The following DEAF1 variants were observed in gnomAD, a reference collection of about 807,000 sequenced individuals.
The protein encoded by DEAF1 is DEAF1 transcription factor.
DEAF1 carries 53 observed loss-of-function variants against 58.9 expected under a neutral mutation model. The ratio of observed to expected loss-of-function variants is 0.90; its 90% CI spans 0.72 to 1.13. The LOEUF is 1.13. DEAF1 is among the 50% of genes most tolerant of loss of function. DEAF1 has a pLI of 0.00. For synonymous variants in DEAF1, 385 were observed against 340.4 expected, an observed-to-expected ratio of 1.13 and a Z score of -1.44; for missense variants, 685 against 791.4, an observed-to-expected ratio of 0.87 and a Z score of 1.61.
At chr11:686,548 C>G (rs903042696) in intron 5 of DEAF1, among the ~76,000 whole-genome samples, 4 of 152,210 alleles carry the variant, frequency 2.6e-5, no homozygotes, top group African/African-American at 9.6e-5. Context: ...ATCTTAACTT[C>G]TACTGTTTTC....
intron 9 of DEAF1, chr11:678,390 G>A (rs1361081311): frequency 5.2e-6 from 2 of 383,718 alleles, no homozygotes; most frequent in Non-Finnish European, 1.0e-5. Context: ...ACCCTCAAGA[G>A]GACAACAGCA....
chr11:700,564 G>A (rs772304317), intron 1 of DEAF1: 126 of 1,409,042 alleles, frequency 8.9e-5, no homozygotes, highest in South Asian at 6.2e-4. Flanking sequence ...TGAGGTGGCT[G>A]CTGCTGCTGT....
At chr11:654,600 A>G (rs773074553) in intron 10 of DEAF1, 3 of 455,166 alleles carry the variant, frequency 6.6e-6, no homozygotes, top group Non-Finnish European at 1.3e-5. Context: ...ATGGGCCGGG[A>G]GCAGCGGCTC....
rs1305740576 is a variant in DEAF1 at position 694,972 on chromosome 11, C to T, written c.76G>A (p.Ala26Thr). 1.7e-6 allele frequency: 2 copies of T among 1,173,434 alleles called. No individual in the cohort carries two copies. Among genetic ancestry groups the T allele is most frequent in the Non-Finnish European group, 2.1e-6 (2 of 951,026 alleles). The allele number at this position is 1,173,434 out of a possible 1,614,324, so 72.7% of individuals were successfully genotyped here. ...AAAVAAAAAV[A>T]AAAAAAAGGE... ...CCTGCCGCGGCCGCGGCCGCCGCCG[C>T]CACAGCGGCCGCGGCCGCCACCGCC... The change falls in exon 1 of 12, where the codon GCG (alanine) becomes ACG (threonine). Residue 26 changes from alanine (A) to threonine (T), a missense_variant. Coordinates refer to ENST00000382409, the MANE Select transcript of DEAF1 (RefSeq NM_021008.4).
chr11:695,586 G>A (rs1861091766), upstream of DEAF1: 2 of 1,240,574 alleles, frequency 1.6e-6, no homozygotes, highest in African/African-American at 3.1e-5. Context: ...GAGCCGAGAC[G>A]AGCCGAATGT....
chr11:656,504 AAGG>A (rs1859061987), intron 10 of DEAF1, among the ~76,000 whole-genome samples: 1 of 152,242 alleles, frequency 6.6e-6, no homozygotes, highest in Admixed American at 6.5e-5. Context: ...AAGCTTCTCG[AAGG>A]AGAACACAGC....
intron 1 of DEAF1, chr11:704,453 A>G (rs1274479580): frequency 7.8e-7 from 1 of 1,289,166 alleles, no homozygotes; most frequent in African/African-American, 1.5e-5. Flanking sequence ...GGCCACGGTG[A>G]GCTGCAGGAC....
chr11:663,186 T>A (rs879600978), intron 10 of DEAF1, among the ~76,000 whole-genome samples: 3 of 152,104 alleles, frequency 2.0e-5, no homozygotes, highest in Admixed American at 2.0e-4. Context: ...GTGGCTTACG[T>A]CTGTAATCCC....
At position 679,734 on chromosome 11, in the gene DEAF1, G is replaced by T; in HGVS notation, c.1080C>A (p.Val360=). Residue 360 remains valine (V), a synonymous_variant, in exon 8 of 12, where the codon GTC becomes GTA. Transcript: ENST00000382409. ...DRASTVEATA[V]ISESPAQGDV... ...CGCCCTGGGCCGGACTCTCTGATAT[G>T]ACAGCAGTGGCCTCTACCGTGGACG... 2 of 1,613,800 alleles carry T rather than the reference G, an allele frequency of 1.2e-6. No individual in the cohort carries two copies. The highest frequency in any genetic ancestry group is 1.7e-6 in the Non-Finnish European group (2 of 1,180,054).
At chr11:656,317 G>A (rs1420846051) in intron 10 of DEAF1, among the ~76,000 whole-genome samples, 1 of 152,086 alleles carries the variant, frequency 6.6e-6, no homozygotes, top group African/African-American at 2.4e-5. Flanking sequence ...CACCATGCCT[G>A]GCTAATTTTT....
In DEAF1 at chr11:679,723, C is replaced by G; in HGVS notation, c.1091G>C (p.Ser364Thr). Reference protein sequence around the residue: ...TVEATAVISESPAQGDVFAGA... With the variant: ...TVEATAVISETPAQGDVFAGA... ...TGCGAAGACGTCGCCCTGGGCCGGA[C>G]TCTCTGATATGACAGCAGTGGCCTC... is the stretch of plus-strand genomic sequence containing the variant. The change falls in exon 8 of 12, where the codon AGT (serine) becomes ACT (threonine). Residue 364 changes from serine (S) to threonine (T), a missense_variant. Around this residue, in one of 3 missense-constraint regions of DEAF1, gnomAD observed 343 missense variants for 379.8 expected, o/e 0.90. Coordinates refer to ENST00000382409, the MANE Select transcript of DEAF1 (RefSeq NM_021008.4). 1 of 1,613,614 alleles carries G rather than the reference C, an allele frequency of 6.2e-7. No homozygotes were observed. The highest frequency in any genetic ancestry group is 1.1e-5 in the South Asian group (1 of 91,090).
At chr11:699,900 C>T, upstream of DEAF1, 2 of 531,566 alleles carry the variant, frequency 3.8e-6, no homozygotes, top group Non-Finnish European at 6.8e-6. Flanking sequence ...GGCTGCAGTG[C>T]ACAGACCGCA....
At chr11:691,187 G>C (rs950963434) in intron 2 of DEAF1, among the ~76,000 whole-genome samples, 1 of 152,242 alleles carries the variant, frequency 6.6e-6, no homozygotes. Context: ...AGGCAGGGCC[G>C]GGCCTCGGGC....
At chr11:697,169 A>C (rs1861231368), upstream of DEAF1, among the ~76,000 whole-genome samples, 1 of 151,530 alleles carries the variant, frequency 6.6e-6, no homozygotes, top group African/African-American at 2.4e-5. Flanking sequence ...CTGGCGGATC[A>C]CTGGAGCCCA....
intron 10 of DEAF1, among the ~76,000 whole-genome samples, chr11:656,579 G>C (rs1220839453): frequency 1.3e-5 from 2 of 152,242 alleles, no homozygotes; most frequent in African/African-American, 4.8e-5. Flanking sequence ...GCAGGACCCT[G>C]GTCCAGCCCC....
At chr11:704,196 C>A in intron 1 of DEAF1, 1 of 1,033,150 alleles carries the variant, frequency 9.7e-7, no homozygotes, top group South Asian at 1.7e-5. Context: ...AGAGCACACC[C>A]CACTTGCCAG....
chr11:686,797 C>T (rs530029134), intron 5 of DEAF1, 61 bp downstream of exon 5: 9 of 1,609,986 alleles, frequency 5.6e-6, no homozygotes, highest in Middle Eastern at 1.7e-4. Flanking sequence ...CTGGCTGGGC[C>T]GCCTCAGAGG....
Position 687,369 on chromosome 11 carries a change from G to A in DEAF1, c.665-372C>T, listed in dbSNP as rs188572591. Among the ~76,000 whole-genome samples, 18 of 152,218 alleles carry A rather than the reference G, an allele frequency of 1.2e-4. 1 individual carries two copies. The East Asian group carries it at 2.5e-3, about 21-fold the overall frequency. Reference sequence around the variant, plus strand: ...CTTCTTCTCGCTTGTCTCCTGTCCCGTGGGTCACGATGGCTTTTCACCCCC... The same window carrying A: ...CTTCTTCTCGCTTGTCTCCTGTCCCATGGGTCACGATGGCTTTTCACCCCC... On this transcript the variant is annotated intron_variant, in intron 4 of 11. Coordinates refer to ENST00000382409, the MANE Select transcript of DEAF1 (RefSeq NM_021008.4).
chr11:682,641 G>A (rs1004919087), intron 6 of DEAF1, among the ~76,000 whole-genome samples: 1 of 152,192 alleles, frequency 6.6e-6, no homozygotes, highest in South Asian at 2.1e-4. Context: ...TCTATCAGAG[G>A]GAATTCTGTT....
Sources: gnomAD v4.1 joint callset for allele counts (sites outside exome capture counted in the v4.1 genomes callset) on GRCh38, gnomAD v4.1.1 for gene constraint, gnomAD v4.1.1 regional missense constraint, MANE v1.5 for transcripts, NCBI Gene and HGNC (gene_info 2026-07-23, HGNC 2026-07-21) for gene names.